The following FGD4 variants were observed in gnomAD, a reference collection of about 807,000 sequenced individuals.
The protein encoded by FGD4 is FYVE, RhoGEF and PH domain containing 4.
Under a neutral mutation model 102.0 loss-of-function variants are expected in FGD4, and 42 were observed. The ratio of observed to expected loss-of-function variants is 0.41; its 90% confidence interval spans 0.32 to 0.53. The LOEUF (loss-of-function observed/expected upper bound fraction) is 0.53. Ranked by LOEUF, FGD4 falls within the 20% of genes least tolerant of loss-of-function variation. FGD4 has a pLI of 0.21. For missense variants in FGD4, 902 were observed against 1,078.2 expected, an observed-to-expected ratio of 0.84 and a Z score of 2.29; for synonymous variants, 380 against 375.7, an observed-to-expected ratio of 1.01 and a Z score of -0.13.
chr12:32,545,554 A>C (rs993724614), intron 1 of FGD4, among the ~76,000 whole-genome samples: 2 of 152,226 alleles, frequency 1.3e-5, no homozygotes, highest in Non-Finnish European at 2.9e-5. Flanking sequence ...ACATTATGTA[A>C]ATGAATGAAT....
chr12:32,447,584 A>G (rs1019363577), intron 1 of FGD4, among the ~76,000 whole-genome samples: 1 of 152,244 alleles, frequency 6.6e-6, no homozygotes, highest in African/African-American at 2.4e-5. Context: ...TTTGTAATAT[A>G]TGAGATAACC....
At chr12:32,602,410 C>CT in intron 7 of FGD4, 93 bp downstream of exon 7, 1 of 1,476,862 alleles carries the variant, frequency 6.8e-7, no homozygotes, top group Non-Finnish European at 9.4e-7. Flanking sequence ...AGAGATCTGT[C>CT]TGAGATACCT....
intron 5 of FGD4, among the ~76,000 whole-genome samples, chr12:32,599,494 C>CAAAAAAAAAAAAAAAAAAAAA (rs777429838): frequency 1.1e-3 from 21 of 19,674 alleles, no homozygotes; most frequent in Admixed American, 2.1e-3. Context: ...GACTCCGTCT[C>CAAAAAAAAAAAAAAAAAAAAA]AAAAAAAAAA....
chr12:32,503,597 C>T (rs1236305712), intron 1 of FGD4, among the ~76,000 whole-genome samples: 1 of 152,102 alleles, frequency 6.6e-6, no homozygotes, highest in East Asian at 1.9e-4. Flanking sequence ...GTTTGTACAT[C>T]ATTATTATTA....
Position 32,399,774 on chromosome 12 carries a change from C to A in FGD4, c.-20C>A, listed in dbSNP as rs1401365770. The stretch of plus-strand genomic sequence containing the variant: ...GACGGGAGCGGGAGGAGTCGGGGAG[C>A]GGCGGTCGAGCCCGGCAGGATGAGC... On this transcript the variant is annotated 5_prime_UTR_variant, in exon 1 of 17. Coordinates refer to ENST00000534526, the MANE Select transcript of FGD4 (RefSeq NM_001370298.3). The A allele has an allele frequency of 6.5e-7, 1 of 1,528,278 alleles. No homozygotes were observed. Among genetic ancestry groups the A allele is most frequent in the Non-Finnish European group, 8.7e-7 (1 of 1,144,404 alleles). The allele number at this position is 1,528,278 out of a possible 1,614,324, so 94.7% of individuals were successfully genotyped here. A position where few individuals can be genotyped will look rare whatever the true frequency, so the allele number is the denominator to read the frequency against.
intron 1 of FGD4, among the ~76,000 whole-genome samples, chr12:32,485,654 C>T (rs1411220826): frequency 6.6e-6 from 1 of 151,886 alleles, no homozygotes; most frequent in African/African-American, 2.4e-5. Context: ...CCATGTTAGC[C>T]AGGATGGTCT....
chr12:32,450,225 C>G (rs1361047656), intron 1 of FGD4, among the ~76,000 whole-genome samples: 8 of 152,124 alleles, frequency 5.3e-5, no homozygotes, highest in Non-Finnish European at 8.8e-5. Context: ...GCCACTGCAC[C>G]TGGCCTATTT....
At chr12:32,537,155 A>T (rs984189455) in intron 1 of FGD4, among the ~76,000 whole-genome samples, 1 of 151,880 alleles carries the variant, frequency 6.6e-6, no homozygotes, top group African/African-American at 2.4e-5. Context: ...TTATCCGCCC[A>T]CCTCGGCCTC....
intron 15 of FGD4, 22 bp from the exon 16 acceptor site, chr12:32,638,633 T>C (rs759369452): frequency 1.2e-6 from 2 of 1,614,078 alleles, no homozygotes; most frequent in South Asian, 2.2e-5. Flanking sequence ...GTTCATTCTG[T>C]CTTTCCATTA....
intron 1 of FGD4, among the ~76,000 whole-genome samples, chr12:32,555,791 C>T (rs1172380332): frequency 1.3e-5 from 2 of 151,910 alleles, no homozygotes; most frequent in African/African-American, 2.4e-5. Context: ...AGGATGGTCT[C>T]GATCTCCTGA....
chr12:32,440,874 C>T (rs558396575), intron 1 of FGD4, among the ~76,000 whole-genome samples: 86 of 152,218 alleles, frequency 5.6e-4, no homozygotes, highest in Non-Finnish European at 8.8e-4. Context: ...TGCAGTCCTT[C>T]CTACTCTTCC....
At chr12:32,460,668 A>G (rs569120902) in intron 1 of FGD4, among the ~76,000 whole-genome samples, 6 of 152,348 alleles carry the variant, frequency 3.9e-5, no homozygotes, top group Non-Finnish European at 7.3e-5. Context: ...AAGATGCTGG[A>G]AAACTAAGGC....
intron 1 of FGD4, among the ~76,000 whole-genome samples, chr12:32,424,537 G>T (rs1941761773): frequency 6.6e-6 from 1 of 152,154 alleles, no homozygotes; most frequent in Non-Finnish European, 1.5e-5. Context: ...ACATATGTGT[G>T]CATGTGTCTT....
In FGD4 at chr12:32,502,020, C is replaced by T. The variant is rs1254717153; in HGVS notation, c.167-62117C>T. On this transcript the variant is annotated intron_variant, in intron 1 of 16. Transcript: ENST00000534526. ...CGCATGTGAGTGGCTATATATGTTC[C>T]TTCCTTTAGGATTTGCAAGGCTGGA... 4.1e-6 allele frequency: 4 copies of T among 985,338 alleles called. No individual in the cohort carries two copies. The African/African-American group carries it at 5.2e-5, about 13-fold the overall frequency. 61.0% of individuals were successfully genotyped at this position (985,338 alleles called of 1,614,324 possible).
At chr12:32,427,377 GAGTGAGTTTCT>G (rs1174765750) in intron 1 of FGD4, among the ~76,000 whole-genome samples, 1 of 152,160 alleles carries the variant, frequency 6.6e-6, no homozygotes, top group Non-Finnish European at 1.5e-5. Flanking sequence ...GTGCAGTTTT[GAGTGAGTTTCT>G]TAATCCTGAG....
At chr12:32,599,322 G>A (rs1214260891) in intron 5 of FGD4, among the ~76,000 whole-genome samples, 2 of 147,152 alleles carry the variant, frequency 1.4e-5, no homozygotes, top group African/African-American at 2.5e-5. Flanking sequence ...GTGAAACCCC[G>A]TCTCTACTAA....
intron 1 of FGD4, among the ~76,000 whole-genome samples, chr12:32,535,373 G>A (rs947092545): frequency 6.6e-6 from 1 of 152,120 alleles, no homozygotes; most frequent in Non-Finnish European, 1.5e-5. Flanking sequence ...AGGGGCATAC[G>A]CTGAGTGTGG....
chr12:32,525,755 C>A lies in FGD4; in HGVS notation c.167-38382C>A, dbSNP rs571004656. Among the ~76,000 whole-genome samples the A allele has an allele frequency of 2.6e-5, 4 of 152,348 alleles. No homozygotes were observed. In the South Asian group the frequency reaches 6.2e-4, roughly 24 times the overall value. On this transcript the variant is annotated intron_variant, in intron 1 of 16. Transcript: ENST00000534526. ...CCAGGTGGGCGTGGGCTTGGTGGGC[C>A]CCGCACTCGGAGCAGCCAGCCAGCC...
At chr12:32,552,689 A>T (rs1326243976) in intron 1 of FGD4, among the ~76,000 whole-genome samples, 1 of 152,036 alleles carries the variant, frequency 6.6e-6, no homozygotes, top group African/African-American at 2.4e-5. Context: ...TTCCTGTTGC[A>T]GTGGTAAGTT....
Sources: gnomAD v4.1 joint callset for allele counts (sites outside exome capture counted in the v4.1 genomes callset) on GRCh38, gnomAD v4.1.1 for gene constraint, MANE v1.5 for transcripts, NCBI Gene and HGNC (gene_info 2026-07-23, HGNC 2026-07-21) for gene names.